The following VTCN1 variants were observed in gnomAD, a reference collection of about 807,000 sequenced individuals.
VTCN1 encodes the protein V-set domain-containing T-cell activation inhibitor 1.
Under a neutral mutation model 26.5 loss-of-function variants are expected in VTCN1, and 26 were observed. The observed-to-expected ratio is 0.98, with a 90% CI of 0.72 to 1.36. VTCN1 has a LOEUF of 1.36. Among genes scored for constraint, VTCN1 ranks in the 40% most tolerant of loss-of-function variants. The pLI is 0.00. For missense variants in VTCN1, 298 were observed against 337.7 expected, an observed-to-expected ratio of 0.88 and a Z score of 0.92; for synonymous variants, 116 against 130.7, an observed-to-expected ratio of 0.89 and a Z score of 0.77.
At chr1:117,207,851 T>C (rs572062426) in intron 1 of VTCN1, among the ~76,000 whole-genome samples, 1 of 152,302 alleles carries the variant, frequency 6.6e-6, no homozygotes, top group South Asian at 2.1e-4. Context: ...TTAAGTCCAG[T>C]GTTTCCTGAA....
intron 1 of VTCN1, among the ~76,000 whole-genome samples, chr1:117,207,989 C>T (rs10801939): frequency 0.99 from 150,617 of 152,280 alleles, 74,512 homozygotes; most frequent in East Asian, 1. Context: ...CCACCTGAGA[C>T]GAAAACCACC....
In VTCN1 at chr1:117,175,625, A is replaced by ATGT. The variant is rs1647293183; in HGVS notation, c.33-5457_33-5455dup. Among the ~76,000 whole-genome samples, 1 of 152,214 alleles carries ATGT rather than the reference A, an allele frequency of 6.6e-6. No homozygotes were observed. Among genetic ancestry groups the ATGT allele is most frequent in the Non-Finnish European group, 1.5e-5 (1 of 68,042 alleles). On this transcript the variant is annotated intron_variant, in intron 1 of 5. Coordinates refer to ENST00000369458, the MANE Select transcript of VTCN1 (RefSeq NM_024626.4). The surrounding 1 kb of genome is among the most constrained non-coding windows in gnomAD (Gnocchi z 4.2). ...AGGCATGTGAACCAACACAACGTCC[A>ATGT]TGTTGTCCTGCCATCATTCCCGTTT...
intron 1 of VTCN1, chr1:117,173,337 A>C (rs953480556): frequency 1.8e-6 from 1 of 570,156 alleles, no homozygotes; most frequent in African/African-American, 1.9e-5. Flanking sequence ...TGGTGTCCTT[A>C]TAAAAAGGGG....
chr1:117,207,949 A>C (rs1309677148), intron 1 of VTCN1, among the ~76,000 whole-genome samples: 1 of 152,080 alleles, frequency 6.6e-6, no homozygotes, highest in African/African-American at 2.4e-5. Context: ...ACTGTTTCCC[A>C]ACTCTTCTTC....
rs13505 is a variant in VTCN1 at position 117,143,870 on chromosome 1, C to A, written c.*1401G>T. The A allele has an allele frequency of 0.76, 115,655 of 152,128 alleles. 44,146 individuals are homozygous for A. Among genetic ancestry groups the A allele is most frequent in the East Asian group, 0.87 (4,510 of 5,160 alleles). The allele number at this position is 152,128 out of a possible 1,614,324, so 9.4% of individuals were successfully genotyped here. On this transcript the variant is annotated 3_prime_UTR_variant, in exon 6 of 6. Coordinates refer to ENST00000369458, the MANE Select transcript of VTCN1 (RefSeq NM_024626.4). The stretch of plus-strand genomic sequence containing the variant: ...TGCCTTAATTTGAATTGTGGCCAGG[C>A]AGGGTCTGGAGATCTAAATTCAGAG...
chr1:117,148,914 G>A (rs6656455), intron 4 of VTCN1, among the ~76,000 whole-genome samples: 3,537 of 152,210 alleles, frequency 0.023, 153 homozygotes, highest in African/African-American at 0.081. Flanking sequence ...AACAACTGAC[G>A]GCCTGCAGGA....
At chr1:117,201,345 G>A (rs1158727185) in intron 1 of VTCN1, among the ~76,000 whole-genome samples, 1 of 152,116 alleles carries the variant, frequency 6.6e-6, no homozygotes, top group Non-Finnish European at 1.5e-5. Context: ...CCTGGCCTGC[G>A]GGAGGGAGTC....
intron 3 of VTCN1, among the ~76,000 whole-genome samples, chr1:117,154,392 T>G (rs1029335111): frequency 2.6e-5 from 4 of 152,156 alleles, no homozygotes; most frequent in Non-Finnish European, 5.9e-5. Context: ...TAATTTCACG[T>G]GTACAGAAAA....
intron 1 of VTCN1, among the ~76,000 whole-genome samples, chr1:117,188,319 C>A (rs910652533): frequency 1.3e-5 from 2 of 152,032 alleles, no homozygotes; most frequent in Non-Finnish European, 2.9e-5. Flanking sequence ...GAATGTGTAC[C>A]CTTCCAGCAG....
At chr1:117,180,818 T>C (rs531428175) in intron 1 of VTCN1, among the ~76,000 whole-genome samples, 14 of 152,204 alleles carry the variant, frequency 9.2e-5, no homozygotes, top group African/African-American at 3.4e-4. Flanking sequence ...TCACCTCTCC[T>C]CCTCCAGCCC....
At chr1:117,173,046 A>G in intron 1 of VTCN1, 1 of 652,996 alleles carries the variant, frequency 1.5e-6, no homozygotes, top group East Asian at 2.9e-5. Context: ...GGTCTGCACT[A>G]CCTTTATGAG....
chr1:117,204,748 C>T (rs1036485449), intron 1 of VTCN1, among the ~76,000 whole-genome samples: 2 of 151,902 alleles, frequency 1.3e-5, no homozygotes, highest in African/African-American at 4.8e-5. Context: ...CACCTGTAGT[C>T]CCAGCTACTC....
At chr1:117,172,479 A>C in intron 1 of VTCN1, 1 of 518,808 alleles carries the variant, frequency 1.9e-6, no homozygotes, top group South Asian at 1.4e-5. Flanking sequence ...AGCGAGAGGC[A>C]CCATCTGCTG....
At chr1:117,190,935 C>T (rs1314876692) in intron 1 of VTCN1, among the ~76,000 whole-genome samples, 2 of 152,146 alleles carry the variant, frequency 1.3e-5, no homozygotes, top group Non-Finnish European at 2.9e-5. Context: ...ATATGAAAGT[C>T]TATTAATTGC....
intron 2 of VTCN1, among the ~76,000 whole-genome samples, chr1:117,162,663 T>G (rs1652424265): frequency 6.6e-6 from 1 of 152,240 alleles, no homozygotes; most frequent in African/African-American, 2.4e-5. Flanking sequence ...TACTGAAAAT[T>G]AATTATCCAG....
Position 117,147,552 on chromosome 1 carries a change from C to A in VTCN1, c.*45+61G>T. On this transcript the variant is annotated intron_variant, in intron 5 of 5. Coordinates refer to ENST00000369458, the MANE Select transcript of VTCN1 (RefSeq NM_024626.4). The surrounding 1 kb of genome is among the most constrained non-coding windows in gnomAD (Gnocchi z 4.6). ...GGCTGATGCTGAAGGCTATCCGACT[C>A]TCATTAGGAGCACAAGCACCCACAG... 1 of 1,426,494 alleles carries A rather than the reference C, an allele frequency of 7.0e-7. No individual in the cohort carries two copies. The highest frequency in any genetic ancestry group is 1.4e-5 in the South Asian group (1 of 73,206). 88.4% of individuals were successfully genotyped at this position (1,426,494 alleles called of 1,614,324 possible). A position where few individuals can be genotyped will look rare whatever the true frequency, so the allele number is the denominator to read the frequency against.
Position 117,155,289 on chromosome 1 carries a change from G to A in VTCN1, c.445+1285C>T, listed in dbSNP as rs1176187717. On this transcript the variant is annotated intron_variant, in intron 3 of 5. Transcript: ENST00000369458. This position sits in a 1 kb window ranked among gnomAD's most constrained non-coding sequence, Gnocchi z 4.8. ...TAATGATGTTAACCTGGATCACCTG[G>A]CTAAAGCAGTGTTTGCCGGATTTCT... Among the ~76,000 whole-genome samples, 1 of 152,146 alleles carries A rather than the reference G, an allele frequency of 6.6e-6. No individual in the cohort carries two copies. Among genetic ancestry groups the A allele is most frequent in the Non-Finnish European group, 1.5e-5 (1 of 68,028 alleles).
chr1:117,150,593 A>G (rs1232392936), intron 4 of VTCN1, among the ~76,000 whole-genome samples: 2 of 151,404 alleles, frequency 1.3e-5, no homozygotes, highest in African/African-American at 4.9e-5. Flanking sequence ...CTCATATGTA[A>G]TTTTTTAGTT....
chr1:117,209,408 G>A (rs544388943), intron 1 of VTCN1, among the ~76,000 whole-genome samples: 2 of 152,204 alleles, frequency 1.3e-5, no homozygotes, highest in African/African-American at 4.8e-5. Flanking sequence ...ACTGGCAGGA[G>A]CAGGGGCAAG....
Sources: allele counts gnomAD v4.1 joint callset (sites outside exome capture counted in the v4.1 genomes callset), GRCh38; gene constraint gnomAD v4.1.1; non-coding constraint Gnocchi (gnomAD v3.1); transcripts MANE v1.5; gene names NCBI Gene and HGNC (gene_info 2026-07-23, HGNC 2026-07-21).